Variants in SCN11A observed in about 807,000 individuals in gnomAD.
SCN11A encodes the protein sodium channel protein type 11 subunit alpha.
In SCN11A, 122 loss-of-function variants were observed where a neutral mutation model predicts 162.2. The observed-to-expected ratio is 0.75, with a 90% confidence interval of 0.65 to 0.87. The LOEUF (loss-of-function observed/expected upper bound fraction) is 0.87, where lower values mean the gene tolerates loss of function less well. Ranked by LOEUF, SCN11A falls within the 40% of genes least tolerant of loss-of-function variation. SCN11A has a pLI of 0.00. For synonymous variants in SCN11A, 758 were observed against 751.5 expected (o/e 1.01, Z -0.14); for missense variants, 2,015 against 2,181.6 (o/e 0.92, Z 1.52).
chr3:38,946,873 T>C lies in SCN11A; in HGVS notation c.302A>G (p.Tyr101Cys), dbSNP rs1024513492. The change falls in exon 6 of 30, where the codon TAC (tyrosine) becomes TGC (cysteine). Residue 101 changes from tyrosine (Y) to cysteine (C), a missense_variant. Coordinates refer to ENST00000302328, the MANE Select transcript of SCN11A (RefSeq NM_001349253.2). ...CAAGGCATGCTTGGCACTGAAGCGG[T>C]AGATTGTCCTCTTTCTGTTTAACAC... ...FMVLNRKRTI[Y>C]RFSAKHALFI... is the part of the protein sequence containing the mutation. 3.1e-6 allele frequency: 5 copies of C among 1,613,456 alleles called. No individual in the cohort carries two copies. The highest frequency in any genetic ancestry group is 1.6e-4 in the Middle Eastern group (1 of 6,062).
chr3:39,044,122 AAAGGGATC>A (rs990549818), intron 1 of SCN11A, among the ~76,000 whole-genome samples: 15 of 152,350 alleles, frequency 9.8e-5, no homozygotes, highest in African/African-American at 3.6e-4. Context: ...ATATAATAAT[AAAGGGATC>A]AATTCAGTAA....
At chr3:38,904,214 C>A (rs981845285) in intron 15 of SCN11A, 111 bp from the exon 16 acceptor site, 1 of 633,820 alleles carries the variant, frequency 1.6e-6, no homozygotes, top group Non-Finnish European at 2.7e-6. Flanking sequence ...GATACATGAT[C>A]AGTTGTGAAA....
intron 22 of SCN11A, among the ~76,000 whole-genome samples, chr3:38,881,518 T>A (rs1374213323): frequency 6.6e-6 from 1 of 152,160 alleles, no homozygotes; most frequent in African/African-American, 2.4e-5. Context: ...GCTTCCACAT[T>A]ATATCTAGGC....
At chr3:38,861,243 T>C (rs1417409905) in intron 28 of SCN11A, among the ~76,000 whole-genome samples, 3 of 152,036 alleles carry the variant, frequency 2.0e-5, no homozygotes, top group Non-Finnish European at 4.4e-5. Flanking sequence ...AAATCATTAA[T>C]GACACAAACA....
At chr3:38,999,173 G>T (rs1046361038) in intron 2 of SCN11A, among the ~76,000 whole-genome samples, 4 of 152,200 alleles carry the variant, frequency 2.6e-5, no homozygotes, top group African/African-American at 9.6e-5. Flanking sequence ...AGGTAAGGGA[G>T]AGTGTGGATT....
intron 29 of SCN11A, among the ~76,000 whole-genome samples, chr3:38,849,007 C>T (rs142112224): frequency 2.8e-3 from 422 of 152,278 alleles, no homozygotes; most frequent in Non-Finnish European, 5.0e-3. Flanking sequence ...AATCCTACCG[C>T]TGAGTATTAT....
chr3:38,960,889 T>C (rs2066734796), intron 2 of SCN11A, among the ~76,000 whole-genome samples: 1 of 152,188 alleles, frequency 6.6e-6, no homozygotes, highest in Non-Finnish European at 1.5e-5. Context: ...GTGGTGGCCA[T>C]AGGGATGCCA....
chr3:38,994,415 C>T (rs1200354178), intron 2 of SCN11A, among the ~76,000 whole-genome samples: 3 of 152,102 alleles, frequency 2.0e-5, no homozygotes, highest in Non-Finnish European at 4.4e-5. Context: ...TTCTAGGGTA[C>T]TTATATAAAA....
intron 2 of SCN11A, among the ~76,000 whole-genome samples, chr3:38,974,036 A>G (rs150576070): frequency 0.015 from 2,301 of 152,348 alleles, 16 homozygotes; most frequent in Middle Eastern, 0.024. Flanking sequence ...CACAAAACAT[A>G]CAAGGAAATA....
intron 14 of SCN11A, among the ~76,000 whole-genome samples, chr3:38,907,019 T>C (rs2126126806): frequency 6.6e-6 from 1 of 152,114 alleles, no homozygotes; most frequent in African/African-American, 2.4e-5. Context: ...CATTCTATTC[T>C]CTCTGCAGGT....
chr3:38,925,637 C>T lies in SCN11A; in HGVS notation c.618-128G>A, dbSNP rs183505905. ...CTCCAAGGTGAAATCGACAGCCTCA[C>T]CTTTCCAGCCCCACCTTTATCTTAG... is the stretch of plus-strand genomic sequence containing the variant. On this transcript the variant is annotated intron_variant, in intron 8 of 29. Transcript: ENST00000302328. The T allele has an allele frequency of 6.0e-3, 3,847 of 639,402 alleles. 26 individuals are homozygous for T. Among genetic ancestry groups the T allele is most frequent in the Middle Eastern group, 6.8e-3 (25 of 3,702 alleles). 39.6% of individuals were successfully genotyped at this position (639,402 alleles called of 1,614,324 possible).
intron 1 of SCN11A, among the ~76,000 whole-genome samples, chr3:39,034,188 A>G (rs1380249157): frequency 6.8e-6 from 1 of 146,104 alleles, no homozygotes; most frequent in Non-Finnish European, 1.5e-5. Flanking sequence ...AAACAAAAAA[A>G]CTATACAGGA....
chr3:38,894,118 T>C (rs1266277458), intron 19 of SCN11A, among the ~76,000 whole-genome samples: 2 of 152,158 alleles, frequency 1.3e-5, no homozygotes, highest in Non-Finnish European at 1.5e-5. Flanking sequence ...ACCCACAAGA[T>C]TGGTCTCTGC....
At chr3:38,930,082 A>T (rs2066217614) in intron 7 of SCN11A, among the ~76,000 whole-genome samples, 1 of 152,210 alleles carries the variant, frequency 6.6e-6, no homozygotes, top group Admixed American at 6.5e-5. Flanking sequence ...CCCAAGCTGC[A>T]AAAATACTGA....
chr3:38,851,282 T>A, intron 28 of SCN11A, among the ~76,000 whole-genome samples: 1 of 152,172 alleles, frequency 6.6e-6, no homozygotes, highest in Admixed American at 6.5e-5. Context: ...AATTCTTCAA[T>A]GCCAATTTTA....
At chr3:38,972,003 A>G (rs1318444778) in intron 2 of SCN11A, among the ~76,000 whole-genome samples, 1 of 152,202 alleles carries the variant, frequency 6.6e-6, no homozygotes, top group East Asian at 1.9e-4. Context: ...CTAAAAGCTT[A>G]TGGAATACAC....
At position 38,896,851 on chromosome 3, in the gene SCN11A, T is replaced by C; in HGVS notation, c.2397A>G (p.Lys799=). The part of the protein sequence containing the change: ...IVFILITVIG[K]LVVLNLFIAL... ...AAAAATCTAAGACACATACCACAAGTTTTCCTATCACCGTGATCAATATGA... is the reference window on the plus strand; with the variant it reads ...AAAAATCTAAGACACATACCACAAGCTTTCCTATCACCGTGATCAATATGA... The change falls in exon 18 of 30, where the codon AAA becomes AAG. Residue 799 remains lysine (K), a synonymous_variant. Transcript: ENST00000302328. 2 of 1,528,252 alleles carry C rather than the reference T, an allele frequency of 1.3e-6. No individual in the cohort carries two copies. Among genetic ancestry groups the C allele is most frequent in the East Asian group, 2.3e-5 (1 of 42,760 alleles). The allele number at this position is 1,528,252 out of a possible 1,614,324, so 94.7% of individuals were successfully genotyped here.
chr3:38,892,842 A>G (rs1416205622), intron 19 of SCN11A, among the ~76,000 whole-genome samples: 1 of 152,134 alleles, frequency 6.6e-6, no homozygotes, highest in Non-Finnish European at 1.5e-5. Context: ...ATTTTAGAGT[A>G]CCCAAATAAG....
In SCN11A at chr3:38,897,227, T is replaced by G. The variant is rs1270488392; in HGVS notation, c.2023-2A>C. 1 of 1,581,200 alleles carries G rather than the reference T, an allele frequency of 6.3e-7. No individual in the cohort carries two copies. The highest frequency in any genetic ancestry group is 2.2e-5 in the East Asian group (1 of 44,550). On this transcript the variant is annotated splice_acceptor_variant, in intron 17 of 29. Coordinates refer to ENST00000302328, the MANE Select transcript of SCN11A (RefSeq NM_001349253.2). LOFTEE classifies it high-confidence loss of function. ...TTTGGCTAACTTGAAGACCCTGAGC[T>G]GTAGAAAAAGACAACAAACAAAAAT...
Sources: gnomAD v4.1 joint callset for allele counts (sites outside exome capture counted in the v4.1 genomes callset) on GRCh38, gnomAD v4.1.1 for gene constraint, MANE v1.5 for transcripts, NCBI Gene and HGNC (gene_info 2026-07-23, HGNC 2026-07-21) for gene names.